TBCA: variants seen among roughly 807,000 people sequenced by gnomAD.
TBCA encodes the protein tubulin-specific chaperone A.
A neutral mutation model predicts 15.8 loss-of-function variants in TBCA; 6 were observed. The observed-to-expected ratio is 0.38, with a 90% confidence interval of 0.21 to 0.75. The LOEUF is 0.75. TBCA is among the 30% of genes least tolerant of loss of function. The probability of loss-of-function intolerance (pLI) is 0.46; values close to 1 mark genes in which losing one functional copy is unlikely to be tolerated. For missense variants in TBCA, 90 were observed against 131.2 expected, an observed-to-expected ratio of 0.69 and a Z score of 1.53; for synonymous variants, 32 against 42.3, an observed-to-expected ratio of 0.76 and a Z score of 0.94.
In TBCA at chr5:77,766,803, T is replaced by TTTA. The variant is rs1018779762; in HGVS notation, c.53+9399_53+9401dup. Among the ~76,000 whole-genome samples the TTTA allele has an allele frequency of 3.9e-5, 6 of 152,118 alleles. 1 individual carries two copies. Among genetic ancestry groups the TTTA allele is most frequent in the Non-Finnish European group, 7.4e-5 (5 of 68,018 alleles). On this transcript the variant is annotated intron_variant, in intron 1 of 3. Coordinates refer to ENST00000380377, the MANE Select transcript of TBCA (RefSeq NM_004607.3). ...TGAGCCACCGCGCCCGGCTCTCACT[T>TTTA]TTATTTATAAAGCAAACTTTTATTT...
At chr5:77,754,882 T>A (rs1347981928) in intron 1 of TBCA, among the ~76,000 whole-genome samples, 1 of 152,248 alleles carries the variant, frequency 6.6e-6, no homozygotes, top group African/African-American at 2.4e-5. Context: ...GTTACATTAT[T>A]AAATATTTTA....
intron 1 of TBCA, among the ~76,000 whole-genome samples, chr5:77,748,086 G>T (rs1747231045): frequency 6.6e-6 from 1 of 152,072 alleles, no homozygotes; most frequent in South Asian, 2.1e-4. Context: ...TTATTCTTCA[G>T]CTATCACAAA....
intron 1 of TBCA, among the ~76,000 whole-genome samples, chr5:77,740,182 G>A (rs954849793): frequency 2.6e-5 from 4 of 152,208 alleles, no homozygotes; most frequent in African/African-American, 9.6e-5. Context: ...GAGTGCACAG[G>A]AGAAGAGCAG....
At chr5:77,755,576 A>AAAATAAATAAAAATTTAAAATAAT (rs1322611495) in intron 1 of TBCA, among the ~76,000 whole-genome samples, 9 of 152,088 alleles carry the variant, frequency 5.9e-5, no homozygotes, top group Non-Finnish European at 1.3e-4. Context: ...TCCATCTCAA[A>AAAATAAATAAAAATTTAAAATAAT]AAATAAATAA....
At chr5:77,772,980 G>A (rs936474559) in intron 1 of TBCA, among the ~76,000 whole-genome samples, 4 of 152,056 alleles carry the variant, frequency 2.6e-5, no homozygotes, top group Admixed American at 2.6e-4. Flanking sequence ...GAAATGTCAA[G>A]GTCATATAAG....
intron 1 of TBCA, among the ~76,000 whole-genome samples, chr5:77,734,672 A>C (rs962964066): frequency 6.6e-6 from 1 of 152,256 alleles, no homozygotes; most frequent in African/African-American, 2.4e-5. Flanking sequence ...ATAATACTAT[A>C]CGTAAACTTA....
intron 1 of TBCA, among the ~76,000 whole-genome samples, chr5:77,744,878 T>C (rs1052597246): frequency 6.6e-6 from 1 of 152,118 alleles, no homozygotes; most frequent in African/African-American, 2.4e-5. Context: ...CTCATATAAA[T>C]TTGTCAAAGT....
chr5:77,763,212 C>G (rs1055927336), intron 1 of TBCA, among the ~76,000 whole-genome samples: 1 of 152,010 alleles, frequency 6.6e-6, no homozygotes, highest in African/African-American at 2.4e-5. Flanking sequence ...CCACTGCACT[C>G]CTGCCTGGGC....
intron 1 of TBCA, among the ~76,000 whole-genome samples, chr5:77,727,425 C>T (rs1033008356): frequency 6.6e-6 from 1 of 152,004 alleles, no homozygotes; most frequent in African/African-American, 2.4e-5. Flanking sequence ...TAGATAGTAA[C>T]GTTCCATGTT....
intron 1 of TBCA, among the ~76,000 whole-genome samples, chr5:77,718,736 C>A (rs542094010): frequency 6.6e-6 from 1 of 152,296 alleles, no homozygotes; most frequent in Admixed American, 6.5e-5. Context: ...CCTCTCCTAA[C>A]AAAACTTAAA....
At chr5:77,761,323 CTA>C (rs939935833) in intron 1 of TBCA, among the ~76,000 whole-genome samples, 1 of 152,134 alleles carries the variant, frequency 6.6e-6, no homozygotes, top group Non-Finnish European at 1.5e-5. Flanking sequence ...TGCTGTTAAT[CTA>C]TAACCTTACC....
Position 77,754,793 on chromosome 5 carries a change from T to C in TBCA, c.53+21412A>G, listed in dbSNP as rs991453523. ...GTATTTGGCAGAGATAAAAATGAAA[T>C]TGTTTCATCAATAAATGCAAACAAA... On this transcript the variant is annotated intron_variant, in intron 1 of 3. Coordinates refer to ENST00000380377, the MANE Select transcript of TBCA (RefSeq NM_004607.3). 2.0e-5 allele frequency among the ~76,000 whole-genome samples: 3 copies of C among 152,328 alleles called. No homozygotes were observed. The South Asian group carries it at 6.2e-4, about 32-fold the overall frequency.
chr5:77,721,553 A>AAAGGGTC (rs1746529242), intron 1 of TBCA, among the ~76,000 whole-genome samples: 1 of 152,166 alleles, frequency 6.6e-6, no homozygotes, highest in African/African-American at 2.4e-5. Context: ...GTATACGTAT[A>AAAGGGTC]CACTGATTTG....
chr5:77,706,733 G>A (rs761510251), intron 2 of TBCA, among the ~76,000 whole-genome samples: 3 of 148,714 alleles, frequency 2.0e-5, no homozygotes, highest in African/African-American at 5.0e-5. Context: ...AATCAGCTGA[G>A]CCAGGAGGCA....
chr5:77,726,289 T>C (rs903121133), intron 1 of TBCA, among the ~76,000 whole-genome samples: 19 of 152,214 alleles, frequency 1.2e-4, no homozygotes, highest in African/African-American at 2.9e-4. Context: ...GGTCACACTT[T>C]AGTAAATGTG....
At chr5:77,758,479 C>T (rs10076776) in intron 1 of TBCA, among the ~76,000 whole-genome samples, 28,862 of 152,158 alleles carry the variant, frequency 0.19, 3,650 homozygotes, top group Non-Finnish European at 0.27. Flanking sequence ...TGTTGTGAGC[C>T]CTTAAAAGGG....
At chr5:77,736,561 C>A (rs1297293816) in intron 1 of TBCA, among the ~76,000 whole-genome samples, 2 of 152,150 alleles carry the variant, frequency 1.3e-5, no homozygotes, top group Non-Finnish European at 2.9e-5. Flanking sequence ...TTTCTATATT[C>A]CTGTCACAAT....
At chr5:77,726,709 C>G (rs1043541013) in intron 1 of TBCA, among the ~76,000 whole-genome samples, 1 of 152,118 alleles carries the variant, frequency 6.6e-6, no homozygotes, top group Non-Finnish European at 1.5e-5. Context: ...TTCACTCATT[C>G]ACTAAAGGAG....
chr5:77,739,765 TG>T (rs1168130453), intron 1 of TBCA, among the ~76,000 whole-genome samples: 3 of 152,158 alleles, frequency 2.0e-5, no homozygotes, highest in Non-Finnish European at 4.4e-5. Flanking sequence ...AAAGGCACCC[TG>T]GGGGCCTTAC....
Sources: allele counts gnomAD v4.1 joint callset (sites outside exome capture counted in the v4.1 genomes callset), GRCh38; gene constraint gnomAD v4.1.1; transcripts MANE v1.5; gene names NCBI Gene and HGNC (gene_info 2026-07-23, HGNC 2026-07-21).